Variants in ROBO2 observed in about 807,000 individuals in gnomAD.
ROBO2 encodes roundabout homolog 2.
Under a neutral mutation model 160.8 loss-of-function variants are expected in ROBO2, and 53 were observed. That is an observed-to-expected ratio of 0.33 (90% CI 0.26 to 0.41). The LOEUF (loss-of-function observed/expected upper bound fraction) is 0.41, where lower values mean the gene tolerates loss of function less well. ROBO2 is among the 10% of genes least tolerant of loss of function. ROBO2 has a pLI of 1.00. For missense variants in ROBO2, 1,577 were observed against 1,722.4 expected (o/e 0.92, Z 1.49); for synonymous variants, 664 against 611.7 (o/e 1.09, Z -1.26).
At chr3:76,871,292 C>T (rs1369875637) in intron 2 of ROBO2, among the ~76,000 whole-genome samples, 1 of 152,098 alleles carries the variant, frequency 6.6e-6, no homozygotes, top group Non-Finnish European at 1.5e-5. Flanking sequence ...CGGTGGCTCA[C>T]GCCTGTAATC....
chr3:76,902,166 A>G (rs17014884), intron 2 of ROBO2, among the ~76,000 whole-genome samples: 1,576 of 152,172 alleles, frequency 0.01, 28 homozygotes, highest in African/African-American at 0.036. Flanking sequence ...TGGAGGTACC[A>G]TAACATTATT....
intron 2 of ROBO2, among the ~76,000 whole-genome samples, chr3:76,880,870 C>A (rs34573601): frequency 0.15 from 23,400 of 152,108 alleles, 2,159 homozygotes; most frequent in South Asian, 0.23. Flanking sequence ...TTTATTAACA[C>A]GGACTATTTT....
intron 2 of ROBO2, among the ~76,000 whole-genome samples, chr3:77,473,440 CTTTTTTTTTTTTTTTTTTTTTTT>C (rs71104688): frequency 2.4e-4 from 19 of 77,934 alleles, no homozygotes; most frequent in African/African-American, 8.4e-4. Context: ...ACAAACTGCT[CTTTTTTTTTTTTTTTTTTTTTTT>C]TTTTTTTTTT....
At chr3:76,641,081 C>T (rs1182110861) in intron 2 of ROBO2, among the ~76,000 whole-genome samples, 1 of 152,036 alleles carries the variant, frequency 6.6e-6, no homozygotes, top group Non-Finnish European at 1.5e-5. Flanking sequence ...TCAAAATCAC[C>T]ATTGGACATA....
intron 2 of ROBO2, among the ~76,000 whole-genome samples, chr3:76,840,645 TTA>T (rs3068959): frequency 0.19 from 25,763 of 134,380 alleles, 2,413 homozygotes; most frequent in Middle Eastern, 0.28. Context: ...TAATTATATT[TTA>T]TATATATATA....
chr3:76,272,755 A>G lies in ROBO2; in HGVS notation c.109+335153A>G, dbSNP rs1408588545. 2.6e-4 allele frequency among the ~76,000 whole-genome samples: 14 copies of G among 53,254 alleles called. 1 individual carries two copies. The highest frequency in any genetic ancestry group is 2.1e-3 in the Admixed American group (7 of 3,378). 34.9% of individuals were successfully genotyped at this position (53,254 alleles called of 152,430 possible). The stretch of plus-strand genomic sequence containing the variant: ...AAATATATATATTCTCTATATATAA[A>G]TATATAATATATATTTATATATAAA... On this transcript the variant is annotated intron_variant, in intron 2 of 26. Transcript: ENST00000487694.
At chr3:76,979,329 G>T (rs1477573012) in intron 2 of ROBO2, among the ~76,000 whole-genome samples, 1 of 152,002 alleles carries the variant, frequency 6.6e-6, no homozygotes. Context: ...AATGTTCACT[G>T]TACCTGTTAA....
At chr3:76,827,980 G>A (rs2066729188) in intron 2 of ROBO2, among the ~76,000 whole-genome samples, 1 of 152,122 alleles carries the variant, frequency 6.6e-6, no homozygotes, top group East Asian at 1.9e-4. Flanking sequence ...TAAACTGTGA[G>A]TTAAGGGTCT....
chr3:77,322,254 C>G (rs1220661599), intron 2 of ROBO2, among the ~76,000 whole-genome samples: 1 of 152,034 alleles, frequency 6.6e-6, no homozygotes, highest in Non-Finnish European at 1.5e-5. Context: ...GACTTCCTAC[C>G]AAACATAGTG....
At chr3:76,681,739 C>T (rs184183933) in intron 2 of ROBO2, among the ~76,000 whole-genome samples, 35 of 152,140 alleles carry the variant, frequency 2.3e-4, no homozygotes, top group Admixed American at 1.8e-3. Context: ...CATGAGCTTG[C>T]GAGTGAGAGG....
chr3:76,201,310 A>T (rs189102101), intron 2 of ROBO2, among the ~76,000 whole-genome samples: 38 of 152,268 alleles, frequency 2.5e-4, no homozygotes, highest in Admixed American at 6.5e-4. Context: ...TTTATTCATA[A>T]CGTTGCCACT....
At chr3:76,149,349 C>T (rs1171220920) in intron 2 of ROBO2, among the ~76,000 whole-genome samples, 1 of 152,132 alleles carries the variant, frequency 6.6e-6, no homozygotes, top group African/African-American at 2.4e-5. Context: ...CTTTGCAAGT[C>T]TGTGATTTCA....
intron 2 of ROBO2, among the ~76,000 whole-genome samples, chr3:76,832,246 C>T (rs1470998021): frequency 6.6e-6 from 1 of 152,182 alleles, no homozygotes; most frequent in African/African-American, 2.4e-5. Flanking sequence ...AACTAATTTT[C>T]AATTTAATGT....
intron 2 of ROBO2, among the ~76,000 whole-genome samples, chr3:76,959,068 A>G (rs959052332): frequency 4.6e-5 from 7 of 152,206 alleles, no homozygotes; most frequent in African/African-American, 7.2e-5. Flanking sequence ...CATGTTGGAA[A>G]CATCTGGAAT....
At position 76,960,000 on chromosome 3, in the gene ROBO2, T is replaced by C. The variant is rs141696853; in HGVS notation, c.110-138014T>C. ...ATATATTTTTCTTGAAAATACTTTC[T>C]TAATGGCTTGTATTCTATGTTTGGT... is the stretch of plus-strand genomic sequence containing the variant. On this transcript the variant is annotated intron_variant, in intron 2 of 26. Coordinates refer to the ROBO2 transcript ENST00000487694. Among the ~76,000 whole-genome samples, 20 of 152,258 alleles carry C rather than the reference T, an allele frequency of 1.3e-4. No homozygotes were observed. In the East Asian group the frequency reaches 3.7e-3, roughly 28 times the overall value.
At chr3:76,215,560 G>A (rs1324595350) in intron 2 of ROBO2, among the ~76,000 whole-genome samples, 1 of 152,164 alleles carries the variant, frequency 6.6e-6, no homozygotes, top group Admixed American at 6.5e-5. Flanking sequence ...CAGGGTATCA[G>A]CAATGGAAGA....
At chr3:77,112,079 G>C (rs1003008067) in intron 2 of ROBO2, among the ~76,000 whole-genome samples, 1 of 151,536 alleles carries the variant, frequency 6.6e-6, no homozygotes, top group Non-Finnish European at 1.5e-5. Context: ...CGGGTGTAGC[G>C]GTGCTCACCT....
chr3:77,050,864 A>C (rs1429390033), intron 1 of ROBO2, among the ~76,000 whole-genome samples: 1 of 151,770 alleles, frequency 6.6e-6, no homozygotes, highest in East Asian at 1.9e-4. Context: ...AGAAAAAAAA[A>C]AAAATTAGCT....
intron 2 of ROBO2, among the ~76,000 whole-genome samples, chr3:76,582,986 A>G (rs2085796533): frequency 1.3e-5 from 2 of 151,934 alleles, no homozygotes; most frequent in African/African-American, 4.8e-5. Flanking sequence ...AAACTACTAT[A>G]AAATGTTTCC....
Sources: gnomAD v4.1 joint callset for allele counts (sites outside exome capture counted in the v4.1 genomes callset) on GRCh38, gnomAD v4.1.1 for gene constraint, MANE v1.5 for transcripts, NCBI Gene and HGNC (gene_info 2026-07-23, HGNC 2026-07-21) for gene names.